The following DHX36 variants were observed in gnomAD, a reference collection of about 807,000 sequenced individuals.
DHX36 encodes the protein ATP-dependent DNA/RNA helicase DHX36.
Under a neutral mutation model 139.0 loss-of-function variants are expected in DHX36, and 50 were observed. That is an observed-to-expected ratio of 0.36 (90% CI 0.29 to 0.46). The LOEUF (loss-of-function observed/expected upper bound fraction) is 0.46. DHX36 is among the 20% of genes least tolerant of loss of function. The pLI, the probability that DHX36 is intolerant of heterozygous loss-of-function variation, is 1.00. For synonymous variants in DHX36, 425 were observed against 401.9 expected (o/e 1.06, Z -0.69); for missense variants, 1,024 against 1,211.3 (o/e 0.85, Z 2.29).
At chr3:154,289,972 C>T (rs1281384517) in intron 15 of DHX36, 146 bp from the exon 16 acceptor site, 1 of 551,458 alleles carries the variant, frequency 1.8e-6, no homozygotes, top group African/African-American at 1.9e-5. Context: ...ATTATTTTTT[C>T]CTTTTTATGA....
chr3:154,280,511 T>TA lies in DHX36; in HGVS notation c.2567+67dup, dbSNP rs57000401. On this transcript the variant is annotated intron_variant, in intron 22 of 24. Transcript: ENST00000496811. ...AACAAATTTATAATATAAGCCTTGT[T>TA]ACATGAGCAGATTTCAAAAGTTTAA... 2,800 of 1,114,428 alleles carry TA rather than the reference T, an allele frequency of 2.5e-3. 47 individuals carry two copies. In the African/African-American group the frequency reaches 0.039, roughly 16 times the overall value. The allele number at this position is 1,114,428 out of a possible 1,614,324, so 69.0% of individuals were successfully genotyped here.
intron 3 of DHX36, chr3:154,314,784 T>C (rs1201581544): frequency 3.4e-6 from 1 of 290,394 alleles, no homozygotes; most frequent in Non-Finnish European, 6.3e-6. Context: ...GAAGAGTAAG[T>C]TTTTTTTTCA....
intron 17 of DHX36, among the ~76,000 whole-genome samples, chr3:154,288,137 G>A (rs754544807): frequency 5.6e-4 from 57 of 102,096 alleles, no homozygotes; most frequent in Non-Finnish European, 9.6e-4. Flanking sequence ...GACAAAGTGA[G>A]ACTCTGTCTC....
At chr3:154,282,152 C>T (rs1055131568) in intron 20 of DHX36, among the ~76,000 whole-genome samples, 8 of 152,094 alleles carry the variant, frequency 5.3e-5, no homozygotes, top group African/African-American at 1.9e-4. Context: ...CGTGTTCTTA[C>T]ATACATCTCA....
At chr3:154,314,845 G>A in intron 3 of DHX36, 1 of 461,856 alleles carries the variant, frequency 2.2e-6, no homozygotes, top group Admixed American at 3.9e-5. Context: ...AGCTTCTGTG[G>A]ATGAGATAGG....
At chr3:154,306,356 T>A in intron 5 of DHX36, 61 bp from the exon 6 acceptor site, 1 of 1,393,866 alleles carries the variant, frequency 7.2e-7, no homozygotes, top group Non-Finnish European at 1.0e-6. Context: ...ATCCTGAATG[T>A]CCATGAAAAT....
chr3:154,291,877 T>C (rs575313139), intron 15 of DHX36, among the ~76,000 whole-genome samples: 3 of 152,354 alleles, frequency 2.0e-5, no homozygotes, highest in Non-Finnish European at 4.4e-5. Flanking sequence ...CAATTCTTTG[T>C]AGAAGTTCAA....
At chr3:154,319,409 G>C (rs1713106308) in intron 1 of DHX36, 1 of 151,936 alleles carries the variant, frequency 6.6e-6, no homozygotes, top group Admixed American at 6.6e-5. Context: ...CCACCCTTTT[G>C]TTTGCCCTCA....
At chr3:154,280,886 G>A in intron 20 of DHX36, 24 bp from the exon 21 acceptor site, 1 of 1,553,608 alleles carries the variant, frequency 6.4e-7, no homozygotes, top group Non-Finnish European at 8.9e-7. Flanking sequence ...GTAACAAATA[G>A]AACTAGAATA....
At chr3:154,303,847 CAAAT>C (rs1475384572) in intron 8 of DHX36, among the ~76,000 whole-genome samples, 1 of 152,126 alleles carries the variant, frequency 6.6e-6, no homozygotes, top group Non-Finnish European at 1.5e-5. Context: ...AAAACCTAAA[CAAAT>C]AGATTGTTAC....
At chr3:154,295,159 T>C (rs1388902842) in intron 13 of DHX36, 125 bp downstream of exon 13, 7 of 575,388 alleles carry the variant, frequency 1.2e-5, no homozygotes, top group Non-Finnish European at 2.1e-5. Context: ...CAAAGAAGTA[T>C]TTTTTTACAT....
intron 17 of DHX36, among the ~76,000 whole-genome samples, chr3:154,288,147 CAAAAAAAAAAA>C (rs34632439): frequency 5.6e-5 from 3 of 53,348 alleles, no homozygotes; most frequent in African/African-American, 2.3e-4. Flanking sequence ...GACTCTGTCT[CAAAAAAAAAAA>C]AAAAAAAAAA....
chr3:154,274,839 G>A lies in DHX36; in HGVS notation c.*1332C>T, dbSNP rs1192956846. On this transcript the variant is annotated 3_prime_UTR_variant, in exon 25 of 25. Transcript: ENST00000496811. ...AGGGAACACCAGAATAAGCAAGCAA[G>A]AAGGGAGGGACAAAATAGTTGCTGG... is the stretch of plus-strand genomic sequence containing the variant. The A allele has an allele frequency of 1.3e-5, 2 of 152,344 alleles. No homozygotes were observed. Among genetic ancestry groups the A allele is most frequent in the African/African-American group, 2.4e-5 (1 of 41,572 alleles). The allele number at this position is 152,344 out of a possible 1,614,324, so 9.4% of individuals were successfully genotyped here.
chr3:154,313,761 G>C (rs1478333032), intron 3 of DHX36, among the ~76,000 whole-genome samples: 1 of 152,018 alleles, frequency 6.6e-6, no homozygotes, highest in Non-Finnish European at 1.5e-5. Flanking sequence ...GTTTATTAAA[G>C]AACATAAAGA....
intron 15 of DHX36, among the ~76,000 whole-genome samples, chr3:154,291,225 AGAAG>A (rs1711799043): frequency 6.6e-6 from 1 of 151,376 alleles, no homozygotes; most frequent in Non-Finnish European, 1.5e-5. Context: ...TAAGGTTTGC[AGAAG>A]GAATTTTTAT....
At position 154,276,398 on chromosome 3, in the gene DHX36, T is replaced by A. The variant is rs140779718; in HGVS notation, c.2842-42A>T. On this transcript the variant is annotated intron_variant, in intron 24 of 24. Transcript: ENST00000496811. ...TATACATGTTCAACAAAGGCAGATA[T>A]ATTACCAAATAACATAATAAATGAA... The A allele has an allele frequency of 7.3e-3, 11,154 of 1,531,092 alleles. 63 individuals are homozygous for A. Among genetic ancestry groups the A allele is most frequent in the Non-Finnish European group, 8.8e-3 (9,866 of 1,121,742 alleles). The allele number at this position is 1,531,092 out of a possible 1,614,324, so 94.8% of individuals were successfully genotyped here. A position where few individuals can be genotyped will look rare whatever the true frequency, so the allele number is the denominator to read the frequency against.
chr3:154,285,936 T>C (rs1461084939), intron 17 of DHX36, among the ~76,000 whole-genome samples: 3 of 151,688 alleles, frequency 2.0e-5, no homozygotes, highest in Admixed American at 6.6e-5. Flanking sequence ...TAAACTTACA[T>C]ATGAAAATCA....
In DHX36 at chr3:154,316,130, C is replaced by T; in HGVS notation, c.277G>A (p.Glu93Lys). ...AVVHMDERRE[E>K]QIVQLLNSVQ... ...GAATTCAGTAACTGTACAATTTGTTCTTCTCGTCGTTCATCCATGTGTACT... is the reference window on the plus strand; with the variant it reads ...GAATTCAGTAACTGTACAATTTGTTTTTCTCGTCGTTCATCCATGTGTACT... Residue 93 changes from glutamate to lysine, a missense_variant, in exon 2 of 25, where the codon GAA becomes AAA. Transcript: ENST00000496811. The T allele has an allele frequency of 6.2e-7, 1 of 1,613,222 alleles. No homozygotes were observed. The highest frequency in any genetic ancestry group is 1.1e-5 in the South Asian group (1 of 91,036).
At chr3:154,318,890 T>C (rs1231730774) in intron 1 of DHX36, among the ~76,000 whole-genome samples, 1 of 152,204 alleles carries the variant, frequency 6.6e-6, no homozygotes, top group African/African-American at 2.4e-5. Context: ...CTGCCAGATA[T>C]AATTCTGGTA....
Sources: gnomAD v4.1 joint callset for allele counts (sites outside exome capture counted in the v4.1 genomes callset) on GRCh38, gnomAD v4.1.1 for gene constraint, MANE v1.5 for transcripts, NCBI Gene and HGNC (gene_info 2026-07-23, HGNC 2026-07-21) for gene names.